Variants in HS6ST3 observed in about 807,000 individuals in gnomAD.
The protein encoded by HS6ST3 is heparan-sulfate 6-O-sulfotransferase 3.
In HS6ST3, 12 loss-of-function variants were observed where a neutral mutation model predicts 36.7. The ratio of observed to expected loss-of-function variants is 0.33; its 90% CI spans 0.21 to 0.53. The LOEUF (loss-of-function observed/expected upper bound fraction) is 0.53, where lower values mean the gene tolerates loss of function less well. Ranked by LOEUF, HS6ST3 falls within the 20% of genes least tolerant of loss-of-function variation. HS6ST3 has a pLI of 0.95. For missense variants in HS6ST3, 584 were observed against 640.9 expected, an observed-to-expected ratio of 0.91 and a Z score of 0.96; for synonymous variants, 240 against 257.5, an observed-to-expected ratio of 0.93 and a Z score of 0.65.
Position 96,164,420 on chromosome 13 carries a change from G to A in HS6ST3, c.707+72851G>A, listed in dbSNP as rs79106901. ...TTAAAAACATGAAAATTAGCCTGGC[G>A]TGGTGACGTGCCTGTAGGCCTAGCT... is the stretch of plus-strand genomic sequence containing the variant. On this transcript the variant is annotated intron_variant, in intron 1 of 1. Coordinates refer to ENST00000376705, the MANE Select transcript of HS6ST3 (RefSeq NM_153456.4). Among the ~76,000 whole-genome samples, 585 of 151,960 alleles carry A rather than the reference G, an allele frequency of 3.8e-3. 5 individuals carry two copies. Among genetic ancestry groups the A allele is most frequent in the African/African-American group, 0.012 (484 of 41,438 alleles).
intron 1 of HS6ST3, among the ~76,000 whole-genome samples, chr13:96,247,533 A>T (rs112685595): frequency 0.012 from 1,798 of 152,160 alleles, 40 homozygotes; most frequent in African/African-American, 0.042. Context: ...TTTGCCTTCC[A>T]CCAAATGATT....
intron 1 of HS6ST3, among the ~76,000 whole-genome samples, chr13:96,810,524 A>G (rs1003061197): frequency 1.3e-5 from 2 of 152,216 alleles, no homozygotes; most frequent in Non-Finnish European, 2.9e-5. Context: ...GTCTCAGTGA[A>G]TCCTCACAGG....
intron 1 of HS6ST3, among the ~76,000 whole-genome samples, chr13:96,603,829 C>A (rs542190341): frequency 6.6e-6 from 1 of 152,250 alleles, no homozygotes; most frequent in African/African-American, 2.4e-5. Context: ...CAGTTTATAA[C>A]AAAGCTGATC....
At chr13:96,634,138 C>A (rs1183773632) in intron 1 of HS6ST3, among the ~76,000 whole-genome samples, 1 of 152,166 alleles carries the variant, frequency 6.6e-6, no homozygotes, top group Non-Finnish European at 1.5e-5. Flanking sequence ...GGACTTCCAC[C>A]TGCAAGAATT....
chr13:96,367,378 A>G (rs1363239915), intron 1 of HS6ST3, among the ~76,000 whole-genome samples: 1 of 152,226 alleles, frequency 6.6e-6, no homozygotes, highest in Non-Finnish European at 1.5e-5. Flanking sequence ...AATAGGGTTC[A>G]AATTATTTTT....
At chr13:96,164,575 A>T (rs928191493) in intron 1 of HS6ST3, among the ~76,000 whole-genome samples, 7 of 151,866 alleles carry the variant, frequency 4.6e-5, no homozygotes, top group Non-Finnish European at 8.8e-5. Context: ...AAAAAAGATT[A>T]TCAACTTTTA....
At chr13:96,171,193 TAGAG>T (rs1316713909) in intron 1 of HS6ST3, among the ~76,000 whole-genome samples, 1 of 152,234 alleles carries the variant, frequency 6.6e-6, no homozygotes, top group Non-Finnish European at 1.5e-5. Context: ...TATGAAACCT[TAGAG>T]AGAATGGTTG....
chr13:96,314,469 G>A (rs921658853), intron 1 of HS6ST3, among the ~76,000 whole-genome samples: 1 of 152,040 alleles, frequency 6.6e-6, no homozygotes, highest in South Asian at 2.1e-4. Flanking sequence ...GAAAGAAAAC[G>A]AAAGAGAAAT....
At chr13:96,467,428 C>T (rs910790889) in intron 1 of HS6ST3, among the ~76,000 whole-genome samples, 1 of 152,106 alleles carries the variant, frequency 6.6e-6, no homozygotes, top group Non-Finnish European at 1.5e-5. Context: ...TTGGAATTCT[C>T]ATTATTCTTT....
chr13:96,575,149 A>G (rs543612574), intron 1 of HS6ST3, among the ~76,000 whole-genome samples: 2 of 152,196 alleles, frequency 1.3e-5, no homozygotes, highest in South Asian at 4.2e-4. Flanking sequence ...CAAGCCATGG[A>G]TATTTTCATT....
intron 1 of HS6ST3, among the ~76,000 whole-genome samples, chr13:96,326,326 C>A (rs556068831): frequency 8.9e-6 from 1 of 111,948 alleles, no homozygotes; most frequent in African/African-American, 3.4e-5. Flanking sequence ...ATCCCTCCCC[C>A]CTCCCCCCAC....
chr13:96,364,648 T>A (rs2055254717), intron 1 of HS6ST3, among the ~76,000 whole-genome samples: 2 of 152,174 alleles, frequency 1.3e-5, no homozygotes, highest in African/African-American at 4.8e-5. Flanking sequence ...ACATAGTTTC[T>A]GTTTGGGATG....
chr13:96,204,428 A>G (rs2054359288), intron 1 of HS6ST3, among the ~76,000 whole-genome samples: 1 of 152,150 alleles, frequency 6.6e-6, no homozygotes, highest in South Asian at 2.1e-4. Context: ...CCCACTGACA[A>G]TATTAGACAG....
intron 1 of HS6ST3, among the ~76,000 whole-genome samples, chr13:96,388,742 G>A (rs2055381016): frequency 1.3e-5 from 2 of 152,200 alleles, no homozygotes; most frequent in South Asian, 4.1e-4. Context: ...TTTCCCCTAT[G>A]CTGTTGTCGT....
intron 1 of HS6ST3, among the ~76,000 whole-genome samples, chr13:96,134,775 T>A (rs982506773): frequency 2.6e-5 from 4 of 152,234 alleles, no homozygotes; most frequent in Admixed American, 2.0e-4. Flanking sequence ...TCTCTCCATA[T>A]GCCTAGTGTG....
intron 1 of HS6ST3, among the ~76,000 whole-genome samples, chr13:96,766,341 C>T (rs1877118450): frequency 6.6e-6 from 1 of 152,136 alleles, no homozygotes; most frequent in Non-Finnish European, 1.5e-5. Flanking sequence ...GGCAGATTTC[C>T]AAAGCACTGA....
intron 1 of HS6ST3, among the ~76,000 whole-genome samples, chr13:96,371,633 A>G (rs2055290754): frequency 6.6e-6 from 1 of 152,122 alleles, no homozygotes; most frequent in African/African-American, 2.4e-5. Flanking sequence ...CCCCACTCCC[A>G]GACCCTGGAA....
At chr13:96,733,794 G>T (rs902858696) in intron 1 of HS6ST3, among the ~76,000 whole-genome samples, 14 of 152,112 alleles carry the variant, frequency 9.2e-5, no homozygotes, top group African/African-American at 3.4e-4. Flanking sequence ...GTCACAGAAG[G>T]TAGTTCTGTC....
rs139738762 is a variant in HS6ST3 at position 96,439,790 on chromosome 13, G to A, written c.707+348221G>A. Among the ~76,000 whole-genome samples the A allele has an allele frequency of 2.3e-3, 344 of 152,302 alleles. 3 individuals are homozygous for A. Among genetic ancestry groups the A allele is most frequent in the South Asian group, 0.015 (71 of 4,830 alleles). On this transcript the variant is annotated intron_variant, in intron 1 of 1. Transcript: ENST00000376705. ...GGTTGTGTGGTTAACCAGAGTTTTA[G>A]CTGCCAAAACAAGAATAGAAGATTG...
Sources: allele counts gnomAD v4.1 joint callset (sites outside exome capture counted in the v4.1 genomes callset), GRCh38; gene constraint gnomAD v4.1.1; transcripts MANE v1.5; gene names NCBI Gene and HGNC (gene_info 2026-07-23, HGNC 2026-07-21).